TMEM108: variants seen among roughly 807,000 people sequenced by gnomAD.
TMEM108 encodes the protein cancer/testis antigen 124.
Under a neutral mutation model 35.1 loss-of-function variants are expected in TMEM108, and 12 were observed. The ratio of observed to expected loss-of-function variants is 0.34; its 90% CI spans 0.22 to 0.55. TMEM108 has a LOEUF of 0.55. Among genes scored for constraint, TMEM108 ranks in the 20% least tolerant of loss-of-function variants. The pLI, the probability that TMEM108 is intolerant of heterozygous loss-of-function variation, is 0.89. For missense variants in TMEM108, 680 were observed against 753.3 expected (o/e 0.90, Z 1.14); for synonymous variants, 287 against 308.6 (o/e 0.93, Z 0.73).
chr3:133,243,672 C>T (rs761190922), intron 3 of TMEM108, among the ~76,000 whole-genome samples: 5 of 152,096 alleles, frequency 3.3e-5, no homozygotes, highest in Non-Finnish European at 7.4e-5. Flanking sequence ...AGGCGCCTGC[C>T]ACCACGCCCG....
rs1002264456 is a variant in TMEM108 at position 133,110,290 on chromosome 3, T to C, written c.-47+64270T>C. Among the ~76,000 whole-genome samples the C allele has an allele frequency of 2.6e-5, 4 of 152,290 alleles. No individual in the cohort carries two copies. The South Asian group carries it at 8.3e-4, about 32-fold the overall frequency. On this transcript the variant is annotated intron_variant, in intron 2 of 5. Coordinates refer to ENST00000321871, the MANE Select transcript of TMEM108 (RefSeq NM_023943.4). ...CACCAGGTACAGCAGCTTGTCTTGT[T>C]TGAGCATTCAGCCACAGCTTCCAAC...
chr3:133,172,451 A>G (rs924104666), intron 2 of TMEM108, among the ~76,000 whole-genome samples: 4 of 152,242 alleles, frequency 2.6e-5, no homozygotes, highest in Non-Finnish European at 5.9e-5. Context: ...TTGGCTAATA[A>G]AGGAAATAAA....
chr3:133,049,012 G>A (rs1216988723), intron 2 of TMEM108, among the ~76,000 whole-genome samples: 6 of 152,168 alleles, frequency 3.9e-5, no homozygotes, highest in Admixed American at 3.9e-4. Flanking sequence ...GTAATAATCT[G>A]TGTTTTAACA....
chr3:133,359,467 G>A (rs915951107), intron 3 of TMEM108, among the ~76,000 whole-genome samples: 2 of 152,144 alleles, frequency 1.3e-5, no homozygotes, highest in African/African-American at 4.8e-5. Flanking sequence ...TGTTAAGTGA[G>A]AAAAACAAGG....
intron 4 of TMEM108, chr3:133,386,319 C>A: frequency 7.6e-7 from 1 of 1,317,328 alleles, no homozygotes; most frequent in Non-Finnish European, 1.1e-6. Flanking sequence ...TTAAGATTTG[C>A]AATGCCTGCT....
At chr3:133,067,207 T>C (rs1389088341) in intron 2 of TMEM108, among the ~76,000 whole-genome samples, 1 of 152,226 alleles carries the variant, frequency 6.6e-6, no homozygotes, top group African/African-American at 2.4e-5. Context: ...CTTTACTAGA[T>C]AATGTCAAAT....
At chr3:133,095,594 A>G (rs141038102) in intron 2 of TMEM108, among the ~76,000 whole-genome samples, 584 of 152,234 alleles carry the variant, frequency 3.8e-3, no homozygotes, top group Non-Finnish European at 6.4e-3. Context: ...AGATGGTCTC[A>G]TCTGGGGTTG....
chr3:133,073,506 C>CTATATA (rs1235632663), intron 2 of TMEM108, among the ~76,000 whole-genome samples: 19 of 78,976 alleles, frequency 2.4e-4, no homozygotes, highest in Middle Eastern at 5.6e-3. Flanking sequence ...CTCTCTCTCT[C>CTATATA]TCTCTATATA....
chr3:133,084,695 A>G (rs1279381055), intron 2 of TMEM108, among the ~76,000 whole-genome samples: 1 of 152,210 alleles, frequency 6.6e-6, no homozygotes, highest in African/African-American at 2.4e-5. Flanking sequence ...CGTCATTACT[A>G]TATGCAAAGG....
At chr3:133,268,226 C>T (rs1047448826) in intron 3 of TMEM108, among the ~76,000 whole-genome samples, 6 of 152,212 alleles carry the variant, frequency 3.9e-5, no homozygotes, top group African/African-American at 1.4e-4. Flanking sequence ...GAGAAAGGTC[C>T]TTGGAACAGA....
intron 3 of TMEM108, among the ~76,000 whole-genome samples, chr3:133,371,139 C>G (rs2072656081): frequency 6.6e-6 from 1 of 152,166 alleles, no homozygotes; most frequent in Non-Finnish European, 1.5e-5. Flanking sequence ...ATGTCTCAAT[C>G]CAGAGTGGTC....
intron 3 of TMEM108, among the ~76,000 whole-genome samples, chr3:133,283,040 C>T (rs955681255): frequency 6.6e-6 from 1 of 152,192 alleles, no homozygotes; most frequent in African/African-American, 2.4e-5. Flanking sequence ...TAGGTAGCAA[C>T]AGTTTACTCT....
chr3:133,062,602 A>G (rs1304525281), intron 2 of TMEM108, among the ~76,000 whole-genome samples: 1 of 152,264 alleles, frequency 6.6e-6, no homozygotes, highest in Non-Finnish European at 1.5e-5. Context: ...AATCTCATAT[A>G]AAATGTATTT....
intron 3 of TMEM108, chr3:133,246,326 T>A (rs1946385222): frequency 6.6e-6 from 1 of 152,082 alleles, no homozygotes; most frequent in African/African-American, 2.4e-5. Flanking sequence ...CATGTGGGGC[T>A]CATTGAGTTA....
chr3:133,212,468 T>C (rs1322802572), intron 2 of TMEM108, among the ~76,000 whole-genome samples: 1 of 152,196 alleles, frequency 6.6e-6, no homozygotes, highest in Non-Finnish European at 1.5e-5. Context: ...TTATTGTAAT[T>C]GTACCCACAC....
At position 133,345,194 on chromosome 3, in the gene TMEM108, C is replaced by T. The variant is rs1276070857; in HGVS notation, c.41-34558C>T. On this transcript the variant is annotated intron_variant, in intron 3 of 5. Coordinates refer to ENST00000321871, the MANE Select transcript of TMEM108 (RefSeq NM_023943.4). ...TAAATAAAGATACAGCAATCTGAAA[C>T]AGTTTTGTCAAATTATATACATCAA... 6.6e-5 allele frequency among the ~76,000 whole-genome samples: 10 copies of T among 151,800 alleles called. No individual in the cohort carries two copies. The East Asian group carries it at 1.9e-3, about 29-fold the overall frequency.
Position 133,150,342 on chromosome 3 carries a change from G to GTTTTTTTTTTTTTT in TMEM108, c.-46-78921_-46-78908dup, listed in dbSNP as rs10663538. Among the ~76,000 whole-genome samples, 41 of 109,654 alleles carry GTTTTTTTTTTTTTT rather than the reference G, an allele frequency of 3.7e-4. 1 individual carries two copies. The highest frequency in any genetic ancestry group is 5.9e-4 in the African/African-American group (16 of 27,290). The allele number at this position is 109,654 out of a possible 152,430, so 71.9% of individuals were successfully genotyped here. On this transcript the variant is annotated intron_variant, in intron 2 of 5. Coordinates refer to ENST00000321871, the MANE Select transcript of TMEM108 (RefSeq NM_023943.4). ...CCATTTAAAAAAATCAGGTTATTTG[G>GTTTTTTTTTTTTTT]TTTTTTTTTTTTTTTTGCAATTGAG...
chr3:133,180,633 C>G (rs1945322082), intron 2 of TMEM108, among the ~76,000 whole-genome samples: 1 of 151,984 alleles, frequency 6.6e-6, no homozygotes, highest in South Asian at 2.1e-4. Flanking sequence ...TTTTTCTATA[C>G]AATGTAAATG....
At chr3:133,368,468 C>T (rs869751) in intron 3 of TMEM108, among the ~76,000 whole-genome samples, 1 of 152,090 alleles carries the variant, frequency 6.6e-6, no homozygotes. Context: ...CTTACCATGG[C>T]GGGAGCAATT....
Sources: gnomAD v4.1 joint callset for allele counts (sites outside exome capture counted in the v4.1 genomes callset) on GRCh38, gnomAD v4.1.1 for gene constraint, MANE v1.5 for transcripts, NCBI Gene and HGNC (gene_info 2026-07-23, HGNC 2026-07-21) for gene names.